CELF2: variants seen among roughly 807,000 people sequenced by gnomAD.
The protein encoded by CELF2 is CUGBP Elav-like family member 2.
A neutral mutation model predicts 62.6 loss-of-function variants in CELF2; 8 were observed. The observed-to-expected ratio is 0.13, with a 90% CI of 0.07 to 0.23. CELF2 has a LOEUF of 0.23. Ranked by LOEUF, CELF2 falls within the 10% of genes least tolerant of loss-of-function variation. The probability of loss-of-function intolerance (pLI) is 1.00; values close to 1 mark genes in which losing one functional copy is unlikely to be tolerated. For missense variants in CELF2, 333 were observed against 671.0 expected (o/e 0.50, Z 5.56); for synonymous variants, 258 against 250.0 (o/e 1.03, Z -0.30).
the CELF2 span, among the ~76,000 whole-genome samples, chr10:10,541,087 C>G: frequency 2.6e-5 from 4 of 151,626 alleles, no homozygotes; most frequent in Non-Finnish European, 5.9e-5. Flanking sequence ...ACTAAAAATA[C>G]AAAAAATTAG....
chr10:10,512,573 G>A, the CELF2 span, among the ~76,000 whole-genome samples: 8 of 150,154 alleles, frequency 5.3e-5, no homozygotes, highest in Admixed American at 1.3e-4. Context: ...CACCAGGCCC[G>A]GCTAACTTTT....
chr10:10,687,906 G>T, the CELF2 span, among the ~76,000 whole-genome samples: 1 of 152,204 alleles, frequency 6.6e-6, no homozygotes, highest in Non-Finnish European at 1.5e-5. Flanking sequence ...TAGGAACAAT[G>T]GATCTTCTCA....
intron 2 of CELF2, among the ~76,000 whole-genome samples, chr10:11,188,686 A>G (rs927758872): frequency 3.3e-5 from 5 of 152,124 alleles, no homozygotes; most frequent in Non-Finnish European, 5.9e-5. Flanking sequence ...TTTTCATCAA[A>G]TTTGGAAAAC....
chr10:10,718,136 C>G, the CELF2 span, among the ~76,000 whole-genome samples: 1 of 151,994 alleles, frequency 6.6e-6, no homozygotes, highest in African/African-American at 2.4e-5. Context: ...GCTTTCTTGC[C>G]CAACAAACCA....
At chr10:10,654,954 G>T in the CELF2 span, among the ~76,000 whole-genome samples, 1 of 143,396 alleles carries the variant, frequency 7.0e-6, no homozygotes, top group Non-Finnish European at 1.5e-5. Flanking sequence ...CGACATGATT[G>T]TATATCTAGA....
At chr10:10,730,184 G>C in the CELF2 span, among the ~76,000 whole-genome samples, 1 of 152,006 alleles carries the variant, frequency 6.6e-6, no homozygotes, top group Non-Finnish European at 1.5e-5. Context: ...GGAATAAAAA[G>C]TGGATCTTTT....
chr10:11,104,533 A>G (rs554681716), intron 1 of CELF2, among the ~76,000 whole-genome samples: 2 of 152,270 alleles, frequency 1.3e-5, no homozygotes, highest in East Asian at 1.9e-4. Context: ...AAATACAAAA[A>G]TTAGCCAGGT....
the CELF2 span, among the ~76,000 whole-genome samples, chr10:10,624,026 T>C: frequency 6.6e-6 from 1 of 152,176 alleles, no homozygotes; most frequent in South Asian, 2.1e-4. Flanking sequence ...TCTTTGTGGA[T>C]TGACTCTTCT....
At chr10:11,183,206 A>G (rs910696584) in intron 2 of CELF2, among the ~76,000 whole-genome samples, 4 of 152,174 alleles carry the variant, frequency 2.6e-5, no homozygotes, top group African/African-American at 9.7e-5. Flanking sequence ...AATGTTACAT[A>G]ACTGCAGCCA....
chr10:11,311,695 T>C lies in CELF2; in HGVS notation c.977-2444T>C, dbSNP rs2094569741. Among the ~76,000 whole-genome samples, 1 of 152,180 alleles carries C rather than the reference T, an allele frequency of 6.6e-6. No homozygotes were observed. The highest frequency in any genetic ancestry group is 6.5e-5 in the Admixed American group (1 of 15,276). ...ATAATCAAATTGTAAAATTTGGAGA[T>C]GTAAGTTTAGCGGAACATTACATAC... On this transcript the variant is annotated intron_variant, in intron 9 of 12. Transcript: ENST00000633077. This position sits in a 1 kb window ranked among gnomAD's most constrained non-coding sequence, Gnocchi z 4.7.
chr10:11,162,319 A>G (rs2065911400), intron 1 of CELF2, among the ~76,000 whole-genome samples: 1 of 152,196 alleles, frequency 6.6e-6, no homozygotes, highest in African/African-American at 2.4e-5. Flanking sequence ...GGACAGGACC[A>G]CCTATTTTGC....
At position 11,247,044 on chromosome 10, in the gene CELF2, A is replaced by C. The variant is rs2075809291; in HGVS notation, c.355-2109A>C. Among the ~76,000 whole-genome samples, 2 of 152,316 alleles carry C rather than the reference A, an allele frequency of 1.3e-5. No individual in the cohort carries two copies. Among genetic ancestry groups the C allele is most frequent in the East Asian group, 3.9e-4 (2 of 5,188 alleles). ...CCATCCCCACAACCAGCCAGTCGCC[A>C]TGAAGTTCAGCCTCCACCAGTGTTC... is the stretch of plus-strand genomic sequence containing the variant. On this transcript the variant is annotated intron_variant, in intron 3 of 12. Transcript: ENST00000633077. The surrounding 1 kb of genome is among the most constrained non-coding windows in gnomAD (Gnocchi z 5.4).
At chr10:11,060,314 A>C (rs930898712) in intron 1 of CELF2, among the ~76,000 whole-genome samples, 1 of 152,246 alleles carries the variant, frequency 6.6e-6, no homozygotes, top group African/African-American at 2.4e-5. Context: ...CGTTCCCGGC[A>C]TAGTCAGTGG....
At chr10:10,620,648 A>G in the CELF2 span, among the ~76,000 whole-genome samples, 2 of 152,044 alleles carry the variant, frequency 1.3e-5, no homozygotes, top group Non-Finnish European at 2.9e-5. Flanking sequence ...CAGGCCTGTT[A>G]TCCCAGCACT....
intron 1 of CELF2, among the ~76,000 whole-genome samples, chr10:10,887,500 A>G (rs930082781): frequency 6.6e-6 from 1 of 152,234 alleles, no homozygotes; most frequent in African/African-American, 2.4e-5. Context: ...CCGCTTGTCC[A>G]ATTGATTTTG....
intron 2 of CELF2, among the ~76,000 whole-genome samples, chr10:11,181,185 A>AAT (rs1053643949): frequency 6.8e-4 from 103 of 152,284 alleles, no homozygotes; most frequent in African/African-American, 1.8e-3. Flanking sequence ...ATGGAATTTA[A>AAT]ACCTAAATAT....
At chr10:11,317,391 G>A (rs557637446) in intron 10 of CELF2, 13 of 152,276 alleles carry the variant, frequency 8.5e-5, no homozygotes, top group Admixed American at 2.0e-4. Context: ...AGATATATAA[G>A]TGACACCCAG....
intron 8 of CELF2, among the ~76,000 whole-genome samples, chr10:11,281,257 A>G (rs1399653921): frequency 6.6e-6 from 1 of 152,108 alleles, no homozygotes; most frequent in Non-Finnish European, 1.5e-5. Flanking sequence ...ACTTTTTCAT[A>G]AAATGTCAGA....
the CELF2 span, among the ~76,000 whole-genome samples, chr10:10,645,647 T>A: frequency 6.6e-5 from 10 of 152,098 alleles, no homozygotes; most frequent in Admixed American, 6.6e-4. Context: ...GAGCAAGACT[T>A]TGTCTCAAAA....
Sources: allele counts gnomAD v4.1 joint callset (sites outside exome capture counted in the v4.1 genomes callset), GRCh38; gene constraint gnomAD v4.1.1; non-coding constraint Gnocchi (gnomAD v3.1); transcripts MANE v1.5; gene names NCBI Gene and HGNC (gene_info 2026-07-23, HGNC 2026-07-21).